Variants in LMAN1 observed in about 807,000 individuals in gnomAD.
The protein encoded by LMAN1 is lectin, mannose binding 1.
Under a neutral mutation model 67.8 loss-of-function variants are expected in LMAN1, and 32 were observed. The ratio of observed to expected loss-of-function variants is 0.47; its 90% confidence interval spans 0.36 to 0.63. LMAN1 has a LOEUF of 0.63. Among genes scored for constraint, LMAN1 ranks in the 30% least tolerant of loss-of-function variants. LMAN1 has a pLI of 0.00. For missense variants in LMAN1, 632 were observed against 628.2 expected (o/e 1.01, Z -0.06); for synonymous variants, 235 against 219.3 (o/e 1.07, Z -0.63).
At chr18:59,357,571 C>A (rs1908688320) in intron 1 of LMAN1, among the ~76,000 whole-genome samples, 1 of 152,148 alleles carries the variant, frequency 6.6e-6, no homozygotes, top group African/African-American at 2.4e-5. Flanking sequence ...CAGTAATATA[C>A]CCTTGCTGCA....
At chr18:59,332,269 A>G (rs2070752141) in intron 11 of LMAN1, among the ~76,000 whole-genome samples, 1 of 152,156 alleles carries the variant, frequency 6.6e-6, no homozygotes, top group Non-Finnish European at 1.5e-5. Context: ...AACCTCAAAC[A>G]GAACTAAGGG....
At chr18:59,335,735 G>A (rs1048566362) in intron 10 of LMAN1, among the ~76,000 whole-genome samples, 4 of 152,132 alleles carry the variant, frequency 2.6e-5, no homozygotes, top group Non-Finnish European at 5.9e-5. Context: ...AGTAATATCA[G>A]CCATAATGAA....
chr18:59,343,125 A>C (rs1908325342), intron 8 of LMAN1, among the ~76,000 whole-genome samples: 1 of 151,942 alleles, frequency 6.6e-6, no homozygotes, highest in South Asian at 2.1e-4. Context: ...GAGAACTTCA[A>C]AACAACGATG....
chr18:59,329,963 C>G lies in LMAN1; in HGVS notation c.*1130G>C, dbSNP rs1003129729. 1.3e-5 allele frequency: 2 copies of G among 152,112 alleles called. No homozygotes were observed. The highest frequency in any genetic ancestry group is 1.5e-5 in the Non-Finnish European group (1 of 67,998). The allele number at this position is 152,112 out of a possible 1,614,324, so 9.4% of individuals were successfully genotyped here. On this transcript the variant is annotated 3_prime_UTR_variant, in exon 13 of 13. Coordinates refer to ENST00000251047, the MANE Select transcript of LMAN1 (RefSeq NM_005570.4). ...TGTTTCTGTAATACCTAGAAGTATG[C>G]ACAAAGACTATAAAAACTCCTTCCA...
chr18:59,346,406 G>A (rs1168628771), intron 7 of LMAN1, among the ~76,000 whole-genome samples: 1 of 151,388 alleles, frequency 6.6e-6, no homozygotes, highest in African/African-American at 2.4e-5. Context: ...GTATTTTTTA[G>A]TAGAGATGGA....
intron 5 of LMAN1, among the ~76,000 whole-genome samples, chr18:59,350,973 C>A (rs1367922222): frequency 6.6e-6 from 1 of 152,208 alleles, no homozygotes; most frequent in Non-Finnish European, 1.5e-5. Context: ...AAAGACTACA[C>A]TTGCAATATT....
At chr18:59,349,090 T>C in intron 6 of LMAN1, 23 bp downstream of exon 6, 4 of 1,613,876 alleles carry the variant, frequency 2.5e-6, no homozygotes. Flanking sequence ...AAACTTTTAA[T>C]ATCATCAGAC....
chr18:59,348,183 T>G (rs1385362389), intron 6 of LMAN1, among the ~76,000 whole-genome samples: 1 of 152,244 alleles, frequency 6.6e-6, no homozygotes, highest in Non-Finnish European at 1.5e-5. Context: ...TCCTAACCCT[T>G]AACTAAAATA....
chr18:59,350,718 A>AT (rs1375188604), intron 5 of LMAN1, among the ~76,000 whole-genome samples: 1 of 151,826 alleles, frequency 6.6e-6, no homozygotes, highest in Non-Finnish European at 1.5e-5. Flanking sequence ...GATGGTCTTG[A>AT]TCTCCTGACC....
At chr18:59,340,851 C>T (rs184000735) in intron 8 of LMAN1, among the ~76,000 whole-genome samples, 4 of 152,062 alleles carry the variant, frequency 2.6e-5, no homozygotes, top group Non-Finnish European at 5.9e-5. Context: ...AACAATATGA[C>T]AAGAACAAAG....
chr18:59,357,555 A>G (rs1908688139), intron 1 of LMAN1, among the ~76,000 whole-genome samples: 1 of 152,214 alleles, frequency 6.6e-6, no homozygotes, highest in African/African-American at 2.4e-5. Flanking sequence ...CTTGATAACA[A>G]ATGCCCAGTA....
chr18:59,334,592 G>A (rs1297797732), intron 10 of LMAN1, among the ~76,000 whole-genome samples: 2 of 152,194 alleles, frequency 1.3e-5, no homozygotes, highest in Non-Finnish European at 2.9e-5. Flanking sequence ...GATGGAAGGA[G>A]AGCAAGTGAA....
At chr18:59,344,699 A>G (rs1908361518) in intron 8 of LMAN1, among the ~76,000 whole-genome samples, 1 of 151,932 alleles carries the variant, frequency 6.6e-6, no homozygotes, top group Admixed American at 6.6e-5. Context: ...ACTGAGTACC[A>G]GGTTCATTAG....
chr18:59,344,264 G>A lies in LMAN1; in HGVS notation c.955+1655C>T, dbSNP rs551414628. ...TCAAAGAACTAAAATTAGAATTACC[G>A]TTTGATCCAGCAATCCCACTACTGG... is the stretch of plus-strand genomic sequence containing the variant. On this transcript the variant is annotated intron_variant, in intron 8 of 12. Coordinates refer to ENST00000251047, the MANE Select transcript of LMAN1 (RefSeq NM_005570.4). Among the ~76,000 whole-genome samples, 22 of 152,174 alleles carry A rather than the reference G, an allele frequency of 1.4e-4. No individual in the cohort carries two copies. The South Asian group carries it at 3.1e-3, about 22-fold the overall frequency.
intron 10 of LMAN1, among the ~76,000 whole-genome samples, chr18:59,334,348 G>A (rs903189110): frequency 6.6e-6 from 1 of 152,166 alleles, no homozygotes; most frequent in African/African-American, 2.4e-5. Context: ...TATAAACTTT[G>A]CAAGAAGAAT....
intron 5 of LMAN1, among the ~76,000 whole-genome samples, chr18:59,350,807 T>G (rs1908528328): frequency 6.6e-6 from 1 of 152,134 alleles, no homozygotes; most frequent in African/African-American, 2.4e-5. Context: ...AATTTTTTTT[T>G]AAAGGACGTA....
intron 5 of LMAN1, among the ~76,000 whole-genome samples, chr18:59,352,238 C>T (rs770662978): frequency 4.6e-5 from 7 of 152,040 alleles, no homozygotes; most frequent in Admixed American, 1.3e-4. Flanking sequence ...ACAGATAAAA[C>T]ACAAACAAAT....
rs1908584442 is a variant in LMAN1, at chr18:59,353,229, C to T, written c.612G>A (p.Lys204=). ...TCAGTGTGTTCTGGTAATAGGTAAT[C>T]TTTGCTCGGACAGGATAGGGTTTGT... ...FRNKPYPVRA[K]ITYYQNTLTV... is the part of the protein sequence containing the mutation. Residue 204 remains lysine (K), a synonymous_variant, in exon 5 of 13, where the codon AAG becomes AAA. Transcript: ENST00000251047. 6.2e-7 allele frequency: 1 copy of T among 1,613,910 alleles called. No individual in the cohort carries two copies. Among genetic ancestry groups the T allele is most frequent in the African/African-American group, 1.3e-5 (1 of 74,894 alleles).
At chr18:59,340,911 TAA>T (rs1442966026) in intron 8 of LMAN1, among the ~76,000 whole-genome samples, 1 of 152,184 alleles carries the variant, frequency 6.6e-6, no homozygotes, top group Non-Finnish European at 1.5e-5. Flanking sequence ...AATGTTCCAC[TAA>T]AAGATACAGA....
Sources: allele counts gnomAD v4.1 joint callset (sites outside exome capture counted in the v4.1 genomes callset), GRCh38; gene constraint gnomAD v4.1.1; transcripts MANE v1.5; gene names NCBI Gene and HGNC (gene_info 2026-07-23, HGNC 2026-07-21).